Variants in SLC12A8 observed in about 807,000 individuals in gnomAD.
The protein encoded by SLC12A8 is solute carrier family 12 member 8, also known as cation-chloride cotransporter 9.
Under a neutral mutation model 75.6 loss-of-function variants are expected in SLC12A8, and 69 were observed. That is an observed-to-expected ratio of 0.91 (90% CI 0.75 to 1.11). The LOEUF (loss-of-function observed/expected upper bound fraction) is 1.11. Among genes scored for constraint, SLC12A8 ranks in the 50% most tolerant of loss-of-function variants. The pLI, the probability that SLC12A8 is intolerant of heterozygous loss-of-function variation, is 0.00. For missense variants in SLC12A8, 877 were observed against 896.7 expected (o/e 0.98, Z 0.28); for synonymous variants, 365 against 372.8 (o/e 0.98, Z 0.24).
At chr3:125,193,221 T>C (rs1934940891) in intron 2 of SLC12A8, among the ~76,000 whole-genome samples, 1 of 152,070 alleles carries the variant, frequency 6.6e-6, no homozygotes, top group African/African-American at 2.4e-5. Context: ...AATACAAAAA[T>C]TAGCCGGGTG....
At chr3:125,159,292 C>T (rs1408396404) in intron 5 of SLC12A8, among the ~76,000 whole-genome samples, 1 of 152,050 alleles carries the variant, frequency 6.6e-6, no homozygotes, top group Non-Finnish European at 1.5e-5. Flanking sequence ...GGTGGGGTCT[C>T]ACTATGTTGC....
At chr3:125,174,121 AAAAC>A (rs143634683) in intron 5 of SLC12A8, among the ~76,000 whole-genome samples, 8,544 of 152,214 alleles carry the variant, frequency 0.056, 326 homozygotes, top group African/African-American at 0.1. Flanking sequence ...CAATGATAGG[AAAAC>A]AAACAAACAA....
intron 5 of SLC12A8, among the ~76,000 whole-genome samples, chr3:125,137,957 TCA>T (rs1491381409): frequency 2.0e-5 from 3 of 151,380 alleles, no homozygotes; most frequent in Non-Finnish European, 2.9e-5. Context: ...ACGCTCACAC[TCA>T]CACGCTCACA....
chr3:125,151,811 AAG>A (rs1933932255), intron 5 of SLC12A8, among the ~76,000 whole-genome samples: 1 of 152,256 alleles, frequency 6.6e-6, no homozygotes, highest in South Asian at 2.1e-4. Flanking sequence ...GATGTCTTAC[AAG>A]CAACATGAGG....
At chr3:125,210,656 G>A (rs1403490381) in intron 2 of SLC12A8, among the ~76,000 whole-genome samples, 1 of 152,202 alleles carries the variant, frequency 6.6e-6, no homozygotes, top group African/African-American at 2.4e-5. Flanking sequence ...CTAGAAGCAG[G>A]AAAGAAACCC....
intron 6 of SLC12A8, among the ~76,000 whole-genome samples, chr3:125,135,453 G>A (rs183611667): frequency 2.6e-5 from 4 of 152,224 alleles, no homozygotes; most frequent in Non-Finnish European, 5.9e-5. Flanking sequence ...TTGAGGCCAG[G>A]GGTTCAAGAC....
rs548759879 is a variant in SLC12A8, at chr3:125,102,438, G to A, written c.1705+5043C>T. Among the ~76,000 whole-genome samples the A allele has an allele frequency of 6.6e-5, 10 of 152,290 alleles. No individual in the cohort carries two copies. The South Asian group carries it at 8.3e-4, about 13-fold the overall frequency. On this transcript the variant is annotated intron_variant, in intron 10 of 13. Transcript: ENST00000469902. Reference sequence around the variant, plus strand: ...GTACACCCTATCTGGGACTTTACACGGAAGGGGTTAAATTCCAGCAAGCAT... The same window carrying A: ...GTACACCCTATCTGGGACTTTACACAGAAGGGGTTAAATTCCAGCAAGCAT...
intron 10 of SLC12A8, among the ~76,000 whole-genome samples, chr3:125,100,083 A>G (rs1938828958): frequency 6.6e-6 from 1 of 152,222 alleles, no homozygotes; most frequent in Non-Finnish European, 1.5e-5. Flanking sequence ...TCAAGACAAA[A>G]ATGATCCAAA....
chr3:125,163,691 G>T (rs1934224358), intron 5 of SLC12A8, among the ~76,000 whole-genome samples: 1 of 152,164 alleles, frequency 6.6e-6, no homozygotes, highest in Admixed American at 6.5e-5. Flanking sequence ...CAGGTCTGCT[G>T]CCTCTTTAGG....
At chr3:125,161,788 G>A (rs1934181290) in intron 5 of SLC12A8, among the ~76,000 whole-genome samples, 1 of 152,140 alleles carries the variant, frequency 6.6e-6, no homozygotes. Context: ...CTGACCTGCT[G>A]TGGGAAAGAC....
chr3:125,150,966 G>A (rs746222834), intron 5 of SLC12A8, among the ~76,000 whole-genome samples: 3 of 152,044 alleles, frequency 2.0e-5, no homozygotes, highest in East Asian at 1.9e-4. Context: ...TAGGAAACGC[G>A]CTCACACACA....
chr3:125,191,049 T>C (rs1934900441), intron 2 of SLC12A8, among the ~76,000 whole-genome samples: 1 of 152,202 alleles, frequency 6.6e-6, no homozygotes, highest in African/African-American at 2.4e-5. Context: ...CCAACCTTAC[T>C]GAAGCGCTCT....
At chr3:125,145,250 G>T (rs760524415) in intron 5 of SLC12A8, among the ~76,000 whole-genome samples, 1 of 152,142 alleles carries the variant, frequency 6.6e-6, no homozygotes, top group Non-Finnish European at 1.5e-5. Context: ...TTACTGGCTG[G>T]CTACTTGCCT....
intron 7 of SLC12A8, 35 bp from the exon 8 acceptor site, chr3:125,118,891 G>T: frequency 1.4e-6 from 2 of 1,421,798 alleles, no homozygotes; most frequent in South Asian, 2.3e-5. Context: ...AGCTGCCCCC[G>T]ACTCACCTCA....
At position 125,190,447 on chromosome 3, in the gene SLC12A8, C is replaced by A. The variant is rs775632819; in HGVS notation, c.126G>T (p.Trp42Cys). The change falls in exon 3 of 14, where the codon TGG becomes TGT. Residue 42 changes from tryptophan (W) to cysteine (C), a missense_variant. By Grantham distance (215) the Trp-to-Cys change is radical (BLOSUM62 -2). Transcript: ENST00000469902. ...TCATGCAGGATGTGAACACACCATC[C>A]CAGGTCCCAAACAGCACAGGCTCCC... The part of the protein sequence containing the change: ...FMWEPVLFGT[W>C]DGVFTSCMIN... 1 of 1,614,196 alleles carries A rather than the reference C, an allele frequency of 6.2e-7. No homozygotes were observed. Among genetic ancestry groups the A allele is most frequent in the Non-Finnish European group, 8.5e-7 (1 of 1,180,042 alleles).
chr3:125,131,940 C>A (rs1933369713), intron 6 of SLC12A8, among the ~76,000 whole-genome samples: 3 of 152,082 alleles, frequency 2.0e-5, no homozygotes, highest in African/African-American at 7.2e-5. Flanking sequence ...CGGTAAGACC[C>A]CCAGAAGGAA....
At position 125,148,880 on chromosome 3, in the gene SLC12A8, G is replaced by A. The variant is rs762386244; in HGVS notation, c.623-13098C>T. ...TGAAGCCAGAAGTGCCTTCAGGGAC[G>A]CTTCTACAGTCACATGGAGAGTAAT... is the stretch of plus-strand genomic sequence containing the variant. On this transcript the variant is annotated intron_variant, in intron 5 of 13. Coordinates refer to ENST00000469902, the MANE Select transcript of SLC12A8 (RefSeq NM_024628.6). 2.6e-5 allele frequency among the ~76,000 whole-genome samples: 4 copies of A among 152,204 alleles called. 1 individual carries two copies. The highest frequency in any genetic ancestry group is 4.1e-4 in the South Asian group (2 of 4,828).
At chr3:125,128,177 A>T (rs1214458528) in intron 6 of SLC12A8, among the ~76,000 whole-genome samples, 63 of 98,248 alleles carry the variant, frequency 6.4e-4, no homozygotes, top group Admixed American at 1.4e-3. Flanking sequence ...GCCTAAGCTT[A>T]TTTTTATTTT....
At chr3:125,179,733 A>AGAGAGAGAGAGAGAGAGAGAGAGAGAGAG (rs1560077720) in intron 4 of SLC12A8, among the ~76,000 whole-genome samples, 1 of 134,984 alleles carries the variant, frequency 7.4e-6, no homozygotes, top group African/African-American at 3.0e-5. Context: ...GAGAGAGAGA[A>AGAGAGAGAGAGAGAGAGAGAGAGAGAGAG]AGAGAAAGAC....
Sources: gnomAD v4.1 joint callset for allele counts (sites outside exome capture counted in the v4.1 genomes callset) on GRCh38, gnomAD v4.1.1 for gene constraint, MANE v1.5 for transcripts, NCBI Gene and HGNC (gene_info 2026-07-23, HGNC 2026-07-21) for gene names.